Variants in CHODL observed in about 807,000 individuals in gnomAD.
CHODL encodes the protein transmembrane protein MT75.
CHODL carries 29 observed loss-of-function variants against 34.5 expected under a neutral mutation model. The ratio of observed to expected loss-of-function variants is 0.84; its 90% CI spans 0.63 to 1.15. The LOEUF (loss-of-function observed/expected upper bound fraction) is 1.15, where lower values mean the gene tolerates loss of function less well. CHODL is among the 50% of genes most tolerant of loss of function. The probability of loss-of-function intolerance (pLI) is 0.00; values close to 1 mark genes in which losing one functional copy is unlikely to be tolerated. For synonymous variants in CHODL, 125 were observed against 116.1 expected (o/e 1.08, Z -0.49); for missense variants, 332 against 332.5 (o/e 1.00, Z 0.01).
intron 1 of CHODL, among the ~76,000 whole-genome samples, chr21:17,919,415 G>A (rs535647619): frequency 1.1e-4 from 17 of 152,280 alleles, no homozygotes; most frequent in African/African-American, 4.1e-4. Flanking sequence ...TCAATACCAC[G>A]TGGAAGCTAC....
At chr21:18,090,482 G>A (rs1371397904) in intron 2 of CHODL, among the ~76,000 whole-genome samples, 1 of 152,102 alleles carries the variant, frequency 6.6e-6, no homozygotes, top group Non-Finnish European at 1.5e-5. Flanking sequence ...GGGAAATAGA[G>A]ATATTTCAGG....
intron 2 of CHODL, among the ~76,000 whole-genome samples, chr21:18,151,540 A>G (rs894530817): frequency 4.6e-5 from 7 of 152,206 alleles, no homozygotes; most frequent in Non-Finnish European, 8.8e-5. Flanking sequence ...GTTATGTGAG[A>G]CACTTTAGCA....
intron 2 of CHODL, among the ~76,000 whole-genome samples, chr21:18,071,099 C>A (rs2064798996): frequency 6.6e-6 from 1 of 150,926 alleles, no homozygotes; most frequent in Admixed American, 6.6e-5. Context: ...TGTCTCAGTC[C>A]AGACCCTCAA....
intron 2 of CHODL, among the ~76,000 whole-genome samples, chr21:18,167,242 T>G (rs928066931): frequency 1.3e-5 from 2 of 151,178 alleles, no homozygotes; most frequent in African/African-American, 2.4e-5. Context: ...TGTGTGTGTG[T>G]GTGTGTGTGT....
intron 5 of CHODL, among the ~76,000 whole-genome samples, chr21:18,264,921 G>A (rs1000984894): frequency 2.0e-5 from 3 of 152,212 alleles, no homozygotes; most frequent in South Asian, 2.1e-4. Flanking sequence ...AGCGATGGGA[G>A]GAGGGGAATA....
At chr21:18,070,011 T>TCCCTTCCCTC in intron 2 of CHODL, among the ~76,000 whole-genome samples, 1 of 66,172 alleles carries the variant, frequency 1.5e-5, no homozygotes, top group African/African-American at 4.6e-5. Flanking sequence ...TCCCTTCCCT[T>TCCCTTCCCTC]CCCTTCCCTT....
intron 2 of CHODL, among the ~76,000 whole-genome samples, chr21:18,220,146 CT>C (rs570630985): frequency 5.9e-5 from 9 of 152,100 alleles, no homozygotes; most frequent in Non-Finnish European, 1.3e-4. Context: ...CATAACTACT[CT>C]TGCATGCTTT....
chr21:18,127,370 T>C (rs1011238291), intron 2 of CHODL, among the ~76,000 whole-genome samples: 1 of 152,092 alleles, frequency 6.6e-6, no homozygotes, highest in Non-Finnish European at 1.5e-5. Flanking sequence ...CAGAGATCTA[T>C]AGGAAAATGG....
chr21:18,174,139 A>ATATATATATATATATATATCTTGG (rs2073271116), intron 2 of CHODL, among the ~76,000 whole-genome samples: 2 of 88,428 alleles, frequency 2.3e-5, no homozygotes, highest in Non-Finnish European at 4.9e-5. Context: ...ATATATATAT[A>ATATATATATATATATATATCTTGG]TATATATATA....
At chr21:18,013,615 T>C (rs113417599) in intron 1 of CHODL, among the ~76,000 whole-genome samples, 42 of 148,968 alleles carry the variant, frequency 2.8e-4, no homozygotes, top group Admixed American at 1.1e-3. Flanking sequence ...TTACAGATCA[T>C]TGATTTTCTG....
At chr21:18,250,696 C>T (rs1247806473) in intron 1 of CHODL, among the ~76,000 whole-genome samples, 1 of 151,850 alleles carries the variant, frequency 6.6e-6, no homozygotes, top group Admixed American at 6.6e-5. Context: ...GTCCTTGCTG[C>T]ACTGTGTATG....
rs893570323 is a variant in CHODL at position 18,137,097 on chromosome 21, C to T, written c.-45+109126C>T. The stretch of plus-strand genomic sequence containing the variant: ...GTAGCCTGAAGTCTTCCTCTTCTAT[C>T]CACTTAAAATGACTTAAATCCTTGG... On this transcript the variant is annotated intron_variant, in intron 2 of 6. Transcript: ENST00000400127. Among the ~76,000 whole-genome samples, 10 of 152,136 alleles carry T rather than the reference C, an allele frequency of 6.6e-5. No individual in the cohort carries two copies. In the South Asian group the frequency reaches 2.1e-3, roughly 32 times the overall value.
In CHODL at chr21:18,222,783, T is replaced by A. The variant is rs1398979267; in HGVS notation, c.-44-33726T>A. On this transcript the variant is annotated intron_variant, in intron 2 of 6. Coordinates refer to the CHODL transcript ENST00000400127. Reference sequence around the variant, plus strand: ...GACATTTAGTTATGTACTTGATGTTTAGGTCTTTTTTTGTGGAGGAGGCAA... The same window carrying A: ...GACATTTAGTTATGTACTTGATGTTAAGGTCTTTTTTTGTGGAGGAGGCAA... 2.0e-5 allele frequency among the ~76,000 whole-genome samples: 3 copies of A among 152,318 alleles called. No homozygotes were observed. The East Asian group carries it at 5.8e-4, about 29-fold the overall frequency.
chr21:18,195,305 C>T (rs1033148588), intron 2 of CHODL, among the ~76,000 whole-genome samples: 25 of 152,100 alleles, frequency 1.6e-4, no homozygotes, highest in Admixed American at 1.6e-3. Flanking sequence ...CTGCCTGCCT[C>T]GGCCTCCCAA....
chr21:17,926,329 G>A (rs181888647), intron 1 of CHODL, among the ~76,000 whole-genome samples: 57 of 149,488 alleles, frequency 3.8e-4, no homozygotes, highest in Non-Finnish European at 8.0e-4. Context: ...TTTACACAAG[G>A]ACAAATGATT....
At chr21:17,951,168 C>A (rs750159581) in intron 1 of CHODL, among the ~76,000 whole-genome samples, 4 of 150,380 alleles carry the variant, frequency 2.7e-5, no homozygotes, top group Non-Finnish European at 4.4e-5. Flanking sequence ...TGTTTAGTGG[C>A]ATGATTACTT....
At chr21:18,254,821 G>A (rs1479244969) in intron 1 of CHODL, among the ~76,000 whole-genome samples, 1 of 151,908 alleles carries the variant, frequency 6.6e-6, no homozygotes, top group Non-Finnish European at 1.5e-5. Context: ...TGATAATTAG[G>A]AAAATTAGCA....
chr21:18,129,953 T>C (rs1277100092), intron 2 of CHODL, among the ~76,000 whole-genome samples: 2 of 151,876 alleles, frequency 1.3e-5, no homozygotes, highest in Non-Finnish European at 2.9e-5. Flanking sequence ...TGAGCAATTC[T>C]AAAAGAAACT....
intron 2 of CHODL, among the ~76,000 whole-genome samples, chr21:18,038,072 C>A (rs2064331629): frequency 6.6e-6 from 1 of 151,550 alleles, no homozygotes; most frequent in South Asian, 2.1e-4. Flanking sequence ...ACATCTGGTA[C>A]TTTCTCTTTT....
Sources: allele counts gnomAD v4.1 joint callset (sites outside exome capture counted in the v4.1 genomes callset), GRCh38; gene constraint gnomAD v4.1.1; transcripts MANE v1.5; gene names NCBI Gene and HGNC (gene_info 2026-07-23, HGNC 2026-07-21).